The following ZBTB49 variants were observed in gnomAD, a reference collection of about 807,000 sequenced individuals.
ZBTB49 encodes zinc finger and BTB domain containing 49, also known as zinc finger and BTB domain-containing protein 49.
Under a neutral mutation model 57.5 loss-of-function variants are expected in ZBTB49, and 43 were observed. That is an observed-to-expected ratio of 0.75 (90% CI 0.59 to 0.97). The LOEUF (loss-of-function observed/expected upper bound fraction) is 0.97, where lower values mean the gene tolerates loss of function less well. Ranked by LOEUF, ZBTB49 falls within the 50% of genes least tolerant of loss-of-function variation. The probability of loss-of-function intolerance (pLI) is 0.00; values close to 1 mark genes in which losing one functional copy is unlikely to be tolerated. For synonymous variants in ZBTB49, 369 were observed against 362.1 expected (o/e 1.02, Z -0.22); for missense variants, 938 against 947.7 (o/e 0.99, Z 0.13).
intron 1 of ZBTB49, among the ~76,000 whole-genome samples, chr4:4,294,889 G>GTA (rs1720119095): frequency 6.6e-6 from 1 of 151,446 alleles, no homozygotes; most frequent in Non-Finnish European, 1.5e-5. Flanking sequence ...GTGTGTGTGT[G>GTA]TGTGTGTGTG....
At chr4:4,309,717 C>G (rs1330494175) in intron 4 of ZBTB49, among the ~76,000 whole-genome samples, 4 of 152,176 alleles carry the variant, frequency 2.6e-5, no homozygotes, top group Non-Finnish European at 5.9e-5. Context: ...GATGTGGACT[C>G]ATGCCAGAGG....
intron 3 of ZBTB49, among the ~76,000 whole-genome samples, chr4:4,305,800 G>A (rs1335112984): frequency 1.3e-5 from 2 of 152,214 alleles, no homozygotes; most frequent in East Asian, 3.8e-4. Flanking sequence ...TGAAGAATAG[G>A]TGAGCGGGAT....
In ZBTB49 at chr4:4,312,280, G is replaced by A. The variant is rs1201620062; in HGVS notation, c.1303-761G>A. Among the ~76,000 whole-genome samples, 3 of 152,080 alleles carry A rather than the reference G, an allele frequency of 2.0e-5. No homozygotes were observed. In the East Asian group the frequency reaches 5.8e-4, roughly 29 times the overall value. ...ATGGAAGATTTTCCAAACCTAATTCGAAACATTAGCAATTAGCTTTTTAAA... is the reference window on the plus strand; with the variant it reads ...ATGGAAGATTTTCCAAACCTAATTCAAAACATTAGCAATTAGCTTTTTAAA... On this transcript the variant is annotated intron_variant, in intron 4 of 7. Coordinates refer to ENST00000337872, the MANE Select transcript of ZBTB49 (RefSeq NM_145291.4).
chr4:4,306,389 A>G (rs866306657), intron 4 of ZBTB49, among the ~76,000 whole-genome samples: 7 of 152,358 alleles, frequency 4.6e-5, no homozygotes, highest in Middle Eastern at 3.4e-3. Flanking sequence ...TCATGTGTGA[A>G]TTCTTACAAT....
rs187797312 is a variant in ZBTB49, at chr4:4,311,520, G to A, written c.1303-1521G>A. The stretch of plus-strand genomic sequence containing the variant: ...TCATAGAAACTTGTGTTTCCTCAAG[G>A]TTTCCCCACAAGTAGAGGAGTTTAG... On this transcript the variant is annotated intron_variant, in intron 4 of 7. Transcript: ENST00000337872. Among the ~76,000 whole-genome samples the A allele has an allele frequency of 5.8e-4, 88 of 152,222 alleles. 1 individual carries two copies. The highest frequency in any genetic ancestry group is 1.8e-3 in the African/African-American group (76 of 41,522).
At chr4:4,301,336 A>G (rs1188803745) in intron 2 of ZBTB49, among the ~76,000 whole-genome samples, 1 of 152,210 alleles carries the variant, frequency 6.6e-6, no homozygotes, top group Non-Finnish European at 1.5e-5. Flanking sequence ...GGTCTTCACT[A>G]ACTCTTAGGG....
chr4:4,304,549 C>A (rs1192787041), intron 3 of ZBTB49, among the ~76,000 whole-genome samples: 4 of 151,890 alleles, frequency 2.6e-5, no homozygotes, highest in African/African-American at 2.4e-5. Flanking sequence ...GTGAAACTTA[C>A]CTGCTTAGCT....
At chr4:4,313,245 C>A in intron 5 of ZBTB49, 131 bp downstream of exon 5, 1 of 846,222 alleles carries the variant, frequency 1.2e-6, no homozygotes, top group Non-Finnish European at 1.8e-6. Flanking sequence ...CTGCAGAACA[C>A]AGGTAAATTC....
chr4:4,302,602 C>T lies in ZBTB49; in HGVS notation c.766C>T (p.Pro256Ser), dbSNP rs531804451. 1.2e-6 allele frequency: 2 copies of T among 1,613,674 alleles called. No homozygotes were observed. The highest frequency in any genetic ancestry group is 2.7e-5 in the African/African-American group (2 of 75,002). The change falls in exon 3 of 8, where the codon CCT becomes TCT. Residue 256 changes from proline (P) to serine (S), a missense_variant. Around this residue, in one of 3 missense-constraint regions of ZBTB49, gnomAD observed 835 missense variants for 819.1 expected, o/e 1.02. Transcript: ENST00000337872. ...AGACCTTACCACGGTAGAGAGCCAG[C>T]CTTGTGCCGTCAGTCATTCTGAATG... ...STDLTTVESQ[P>S]CAVSHSECIL... is the part of the protein sequence containing the mutation.
intron 3 of ZBTB49, among the ~76,000 whole-genome samples, chr4:4,304,164 C>T (rs1720638140): frequency 6.6e-6 from 1 of 151,904 alleles, no homozygotes; most frequent in African/African-American, 2.4e-5. Flanking sequence ...TTAGTTTTGC[C>T]CTGAAAAAAC....
chr4:4,313,206 GA>G, intron 5 of ZBTB49, 92 bp downstream of exon 5: 9 of 1,457,792 alleles, frequency 6.2e-6, no homozygotes, highest in Non-Finnish European at 7.5e-6. Flanking sequence ...GTGGCTCACA[GA>G]TGAGCCACAG....
rs1434930913 is a variant in ZBTB49 at position 4,315,949 on chromosome 4, C to G, written c.1600C>G (p.Pro534Ala). 1 of 1,614,006 alleles carries G rather than the reference C, an allele frequency of 6.2e-7. No homozygotes were observed. The highest frequency in any genetic ancestry group is 8.5e-7 in the Non-Finnish European group (1 of 1,180,016). ...KHRIRHTGER[P>A]YSCSACGKCF... is the part of the protein sequence containing the mutation. ...CAGAATTCGGCACACGGGGGAGCGG[C>G]CTTACAGCTGCTCTGCCTGCGGTGA... Residue 534 changes from proline to alanine, a missense_variant, in exon 7 of 8, where the codon CCT (proline) becomes GCT (alanine). Physicochemically the swap from Pro to Ala is conservative, Grantham distance 27. Transcript: ENST00000337872.
chr4:4,313,196 G>C, intron 5 of ZBTB49, 82 bp downstream of exon 5: 11 of 1,534,916 alleles, frequency 7.2e-6, no homozygotes, highest in Non-Finnish European at 9.8e-6. Flanking sequence ...TTCTGAAGTG[G>C]TGGCTCACAG....
At chr4:4,296,788 T>G (rs1251099629) in intron 1 of ZBTB49, among the ~76,000 whole-genome samples, 7 of 152,186 alleles carry the variant, frequency 4.6e-5, no homozygotes, top group African/African-American at 1.7e-4. Context: ...GTTACCCTGT[T>G]TTGCTTTGTT....
intron 2 of ZBTB49, among the ~76,000 whole-genome samples, chr4:4,301,505 G>C (rs1720471496): frequency 6.6e-6 from 1 of 151,940 alleles, no homozygotes; most frequent in South Asian, 2.1e-4. Flanking sequence ...TTGTGTATAT[G>C]GTTTATGGCC....
At chr4:4,301,881 C>T (rs1720486565) in intron 2 of ZBTB49, 108 bp from the exon 3 acceptor site, 1 of 1,121,966 alleles carries the variant, frequency 8.9e-7, no homozygotes. Context: ...AAAGTTTTGA[C>T]ATTCACAGAA....
intron 3 of ZBTB49, among the ~76,000 whole-genome samples, chr4:4,304,976 G>A (rs953069976): frequency 3.3e-5 from 5 of 152,114 alleles, no homozygotes; most frequent in African/African-American, 1.2e-4. Context: ...AAAGTCTGAG[G>A]CCTACTGGAG....
intron 1 of ZBTB49, among the ~76,000 whole-genome samples, chr4:4,292,044 G>A (rs2980159): frequency 0.23 from 35,155 of 151,724 alleles, 4,849 homozygotes; most frequent in Admixed American, 0.31. Flanking sequence ...AGGCTGAGGC[G>A]AGTGGATCAT....
At position 4,302,136 on chromosome 4, in the gene ZBTB49, A is replaced by T. The variant is rs375622766; in HGVS notation, c.300A>T (p.Thr100=). The change falls in exon 3 of 8, where the codon ACA becomes ACT. Residue 100 remains threonine (T), a synonymous_variant. Coordinates refer to ENST00000337872, the MANE Select transcript of ZBTB49 (RefSeq NM_145291.4). ...ACAATATACAAGTAATGCTGGACAC[A>T]GCACAGTGTTTGCAAGTTCAAAATG... ...NQDNIQVMLD[T]AQCLQVQNVL... The T allele has an allele frequency of 2.5e-6, 4 of 1,614,260 alleles. No individual in the cohort carries two copies. Among genetic ancestry groups the T allele is most frequent in the Non-Finnish European group, 3.4e-6 (4 of 1,180,040 alleles).
Sources: gnomAD v4.1 joint callset for allele counts (sites outside exome capture counted in the v4.1 genomes callset) on GRCh38, gnomAD v4.1.1 for gene constraint, gnomAD v4.1.1 regional missense constraint, MANE v1.5 for transcripts, NCBI Gene and HGNC (gene_info 2026-07-23, HGNC 2026-07-21) for gene names.